The following CLPTM1 variants were observed in gnomAD, a reference collection of about 807,000 sequenced individuals.
The protein encoded by CLPTM1 is CLPTM1 regulator of GABA type A receptor forward trafficking.
In CLPTM1, 21 loss-of-function variants were observed where a neutral mutation model predicts 77.3. That is an observed-to-expected ratio of 0.27 (90% CI 0.19 to 0.39). CLPTM1 has a LOEUF of 0.39. CLPTM1 is among the 10% of genes least tolerant of loss of function. CLPTM1 has a pLI of 1.00. For synonymous variants in CLPTM1, 373 were observed against 381.0 expected (o/e 0.98, Z 0.24); for missense variants, 642 against 921.2 (o/e 0.70, Z 3.92).
intron 9 of CLPTM1, among the ~76,000 whole-genome samples, chr19:44,989,584 G>T (rs1016862611): frequency 6.6e-6 from 1 of 152,110 alleles, no homozygotes; most frequent in Non-Finnish European, 1.5e-5. Context: ...TCTGGGATGT[G>T]GGGGAGCTCT....
rs1038478844 is a variant in CLPTM1, at chr19:44,992,950, C to T, written c.*53C>T. On this transcript the variant is annotated 3_prime_UTR_variant, in exon 14 of 14. Coordinates refer to ENST00000337392, the MANE Select transcript of CLPTM1 (RefSeq NM_001294.4). This position sits in a 1 kb window ranked among gnomAD's most constrained non-coding sequence, Gnocchi z 7.7. Reference sequence around the variant, plus strand: ...TCCTGGCGACCACTACCCCTGCGTCCCGGCCCCCTCGCCTCCCCTCCCTGT... The same window carrying T: ...TCCTGGCGACCACTACCCCTGCGTCTCGGCCCCCTCGCCTCCCCTCCCTGT... 3.2e-6 allele frequency: 5 copies of T among 1,572,326 alleles called. No homozygotes were observed. In the African/African-American group the frequency reaches 5.4e-5, roughly 17 times the overall value.
intron 2 of CLPTM1, among the ~76,000 whole-genome samples, chr19:44,972,837 G>A (rs1408042985): frequency 2.0e-5 from 3 of 151,882 alleles, no homozygotes; most frequent in African/African-American, 7.3e-5. Flanking sequence ...GGGTCTGCAT[G>A]CAGACCAGGG....
At chr19:44,981,539 G>A (rs1433654393) in intron 5 of CLPTM1, among the ~76,000 whole-genome samples, 1 of 152,148 alleles carries the variant, frequency 6.6e-6, no homozygotes, top group Non-Finnish European at 1.5e-5. Context: ...AGGCTGCAGT[G>A]AACTGTGATC....
Position 44,979,942 on chromosome 19 carries a change from T to C in CLPTM1, c.586+2482T>C, listed in dbSNP as rs565930718. 3.9e-5 allele frequency among the ~76,000 whole-genome samples: 6 copies of C among 152,302 alleles called. No individual in the cohort carries two copies. In the South Asian group the frequency reaches 1.2e-3, roughly 32 times the overall value. ...CCTATTCTTGTACCCCGTTTGACGA[T>C]CACCTAATCATCCCGTTGACCCAAA... On this transcript the variant is annotated intron_variant, in intron 5 of 13. Coordinates refer to ENST00000337392, the MANE Select transcript of CLPTM1 (RefSeq NM_001294.4).
chr19:44,964,128 T>A (rs1195160515), intron 2 of CLPTM1, among the ~76,000 whole-genome samples: 6 of 151,612 alleles, frequency 4.0e-5, no homozygotes, highest in Non-Finnish European at 8.8e-5. Context: ...AGTCTGGGCA[T>A]CAGAGTGAGA....
At chr19:44,967,870 C>T (rs558873946) in intron 2 of CLPTM1, among the ~76,000 whole-genome samples, 2 of 152,278 alleles carry the variant, frequency 1.3e-5, no homozygotes, top group African/African-American at 2.4e-5. Context: ...GTCATGCGCC[C>T]CTGTCCCTTA....
In CLPTM1 at chr19:44,977,381, C is replaced by T. The variant is rs1468752917; in HGVS notation, c.507C>T (p.Tyr169=). 6.2e-7 allele frequency: 1 copy of T among 1,610,610 alleles called. No homozygotes were observed. The highest frequency in any genetic ancestry group is 1.3e-5 in the African/African-American group (1 of 75,040). The change falls in exon 5 of 14, where the codon TAC becomes TAT. Residue 169 remains tyrosine (Y), a synonymous_variant. Coordinates refer to ENST00000337392, the MANE Select transcript of CLPTM1 (RefSeq NM_001294.4). ...QQNGSIYIHV[Y]FTKSGFHPDP... Reference sequence around the variant, plus strand: ...ACGGCTCCATCTACATCCACGTTTACTTCACCAAGAGTGGCTTCCACCCAG... The same window carrying T: ...ACGGCTCCATCTACATCCACGTTTATTTCACCAAGAGTGGCTTCCACCCAG...
At position 44,992,710 on chromosome 19, in the gene CLPTM1, C is replaced by T; in HGVS notation, c.1823C>T (p.Ala608Val). The stretch of plus-strand genomic sequence containing the variant: ...ATGAGTGGAGAAGACCCCACAGCTG[C>T]CGCCCCCGTGGCCGAGGTTCCCACA... ...FGMSGEDPTA[A>V]APVAEVPTAA... Residue 608 changes from alanine (A) to valine (V), a missense_variant, in exon 14 of 14, where the codon GCC (alanine) becomes GTC (valine). Coordinates refer to ENST00000337392, the MANE Select transcript of CLPTM1 (RefSeq NM_001294.4). The surrounding 1 kb of genome is among the most constrained non-coding windows in gnomAD (Gnocchi z 7.7). The T allele has an allele frequency of 6.2e-7, 1 of 1,613,608 alleles. No homozygotes were observed. Among genetic ancestry groups the T allele is most frequent in the Non-Finnish European group, 8.5e-7 (1 of 1,179,878 alleles).
Position 44,990,346 on chromosome 19 carries a change from T to G in CLPTM1, c.1133-49T>G, listed in dbSNP as rs200804843. On this transcript the variant is annotated intron_variant, in intron 9 of 13. Transcript: ENST00000337392. This position sits in a 1 kb window ranked among gnomAD's most constrained non-coding sequence, Gnocchi z 4.8. ...GGGGCCTGAGGGAGCTGCAGTAGGG[T>G]CTCAGCACCTCCTCAGCCTCCTGGT... 101 of 1,583,036 alleles carry G rather than the reference T, an allele frequency of 6.4e-5. No individual in the cohort carries two copies. In the African/African-American group the frequency reaches 1.2e-3, roughly 19 times the overall value.
intron 2 of CLPTM1, among the ~76,000 whole-genome samples, chr19:44,969,093 T>C (rs1970678876): frequency 6.6e-6 from 1 of 152,222 alleles, no homozygotes; most frequent in Admixed American, 6.5e-5. Context: ...CTTTTTCCTA[T>C]GATTAAAATA....
intron 8 of CLPTM1, chr19:44,987,807 G>C (rs1568389345): frequency 1.7e-6 from 1 of 572,294 alleles, no homozygotes; most frequent in East Asian, 2.9e-5. Context: ...TCACTGTTGG[G>C]TCTCTGCTCC....
At chr19:44,961,608 G>A (rs1038634410) in intron 1 of CLPTM1, among the ~76,000 whole-genome samples, 4 of 152,084 alleles carry the variant, frequency 2.6e-5, no homozygotes, top group African/African-American at 9.7e-5. Flanking sequence ...CCAGGAAGTT[G>A]CCCCGAACCC....
In CLPTM1 at chr19:44,974,596, A is replaced by G. The variant is rs754197939; in HGVS notation, c.467A>G (p.Gln156Arg). 6.2e-7 allele frequency: 1 copy of G among 1,613,048 alleles called. No individual in the cohort carries two copies. Among genetic ancestry groups the G allele is most frequent in the South Asian group, 1.1e-5 (1 of 91,054 alleles). Reference protein sequence around the residue: ...YEHFAELDIPQSVQQNGSIYI... With the variant: ...YEHFAELDIPRSVQQNGSIYI... ...CACTTTGCTGAGCTCGATATCCCAC[A>G]GGTGGGGGCAGCTCTCGGTTTCTGG... is the stretch of plus-strand genomic sequence containing the variant. Residue 156 changes from glutamine (Q) to arginine (R), a missense_variant and splice_region_variant, in exon 4 of 14, where the codon CAG (glutamine) becomes CGG (arginine). Coordinates refer to ENST00000337392, the MANE Select transcript of CLPTM1 (RefSeq NM_001294.4).
chr19:44,966,360 A>G (rs1332112097), intron 2 of CLPTM1, among the ~76,000 whole-genome samples: 1 of 152,106 alleles, frequency 6.6e-6, no homozygotes, highest in African/African-American at 2.4e-5. Context: ...GCAGTGTGCC[A>G]AGATGCCGCC....
intron 2 of CLPTM1, among the ~76,000 whole-genome samples, chr19:44,971,804 C>T (rs907950826): frequency 2.1e-4 from 32 of 151,618 alleles, no homozygotes; most frequent in African/African-American, 7.5e-4. Flanking sequence ...AGCAATCCGC[C>T]TGCCTCAGCT....
At chr19:44,956,339 C>A (rs1396954340) in intron 1 of CLPTM1, among the ~76,000 whole-genome samples, 1 of 152,108 alleles carries the variant, frequency 6.6e-6, no homozygotes, top group East Asian at 1.9e-4. Flanking sequence ...GTGTTAAATG[C>A]AGAGGTTGGA....
At chr19:44,972,220 G>A (rs143916305) in intron 2 of CLPTM1, among the ~76,000 whole-genome samples, 7 of 151,098 alleles carry the variant, frequency 4.6e-5, no homozygotes, top group South Asian at 4.2e-4. Context: ...TAGAGTTGCC[G>A]TGTTTTGCTA....
intron 3 of CLPTM1, among the ~76,000 whole-genome samples, chr19:44,973,558 G>C (rs1970755611): frequency 6.6e-6 from 1 of 152,256 alleles, no homozygotes; most frequent in Non-Finnish European, 1.5e-5. Flanking sequence ...AGGTGGGGAG[G>C]GCAGGGAGCC....
At chr19:44,982,341 T>A (rs573015983) in intron 5 of CLPTM1, among the ~76,000 whole-genome samples, 1 of 140,066 alleles carries the variant, frequency 7.1e-6, no homozygotes, top group Non-Finnish European at 1.6e-5. Context: ...AGAGCGAGAC[T>A]ATGTCAAAAA....
Sources: gnomAD v4.1 joint callset for allele counts (sites outside exome capture counted in the v4.1 genomes callset) on GRCh38, gnomAD v4.1.1 for gene constraint, Gnocchi (gnomAD v3.1) non-coding constraint, MANE v1.5 for transcripts, NCBI Gene and HGNC (gene_info 2026-07-23, HGNC 2026-07-21) for gene names.